KAZN: variants seen among roughly 807,000 people sequenced by gnomAD.
KAZN encodes the protein kazrin, periplakin interacting protein.
Under a neutral mutation model 87.4 loss-of-function variants are expected in KAZN, and 40 were observed. That is an observed-to-expected ratio of 0.46 (90% CI 0.36 to 0.60). The LOEUF is 0.60. Ranked by LOEUF, KAZN falls within the 20% of genes least tolerant of loss-of-function variation. The pLI, the probability that KAZN is intolerant of heterozygous loss-of-function variation, is 0.00. For missense variants in KAZN, 898 were observed against 1,073.9 expected (o/e 0.84, Z 2.29); for synonymous variants, 466 against 458.3 (o/e 1.02, Z -0.22).
At chr1:14,731,846 G>A (rs1167538527) in intron 1 of KAZN, among the ~76,000 whole-genome samples, 1 of 152,188 alleles carries the variant, frequency 6.6e-6, no homozygotes, top group Non-Finnish European at 1.5e-5. Context: ...GTAGAAGGAG[G>A]ATGACAACAG....
chr1:14,138,617 G>A (rs1303250550), intron 1 of KAZN, among the ~76,000 whole-genome samples: 1 of 152,144 alleles, frequency 6.6e-6, no homozygotes, highest in Non-Finnish European at 1.5e-5. Context: ...ATTCTGCTAG[G>A]AATGCAGAAG....
chr1:14,825,195 A>C (rs963278830), intron 1 of KAZN, among the ~76,000 whole-genome samples: 2 of 152,214 alleles, frequency 1.3e-5, no homozygotes, highest in African/African-American at 4.8e-5. Context: ...TGAGGCCGCG[A>C]AGGCACAGAG....
chr1:14,926,351 C>T (rs1477789267), intron 1 of KAZN, among the ~76,000 whole-genome samples: 1 of 152,154 alleles, frequency 6.6e-6, no homozygotes, highest in Non-Finnish European at 1.5e-5. Context: ...GTGTGTTCAT[C>T]ATAATATCCT....
intron 2 of KAZN, among the ~76,000 whole-genome samples, chr1:14,362,800 T>C (rs1186421055): frequency 3.9e-5 from 6 of 152,174 alleles, no homozygotes; most frequent in Non-Finnish European, 8.8e-5. Context: ...GGATTCAAAC[T>C]CAGACCTATT....
chr1:14,687,043 C>T (rs1177964716), intron 1 of KAZN, among the ~76,000 whole-genome samples: 1 of 152,188 alleles, frequency 6.6e-6, no homozygotes, highest in African/African-American at 2.4e-5. Context: ...TGTCAGGACA[C>T]TAATGTGGGG....
chr1:14,329,588 G>A (rs1030476288), intron 2 of KAZN, among the ~76,000 whole-genome samples: 4 of 152,156 alleles, frequency 2.6e-5, no homozygotes, highest in Non-Finnish European at 5.9e-5. Context: ...CAGTGGGTGG[G>A]CCAGGTCTGC....
chr1:14,724,399 C>T (rs947179670), intron 1 of KAZN, among the ~76,000 whole-genome samples: 2 of 152,196 alleles, frequency 1.3e-5, no homozygotes, highest in Non-Finnish European at 2.9e-5. Flanking sequence ...TTAGAGTCCC[C>T]TTGCACTGTG....
chr1:14,450,060 TC>T (rs1479036868), intron 2 of KAZN, among the ~76,000 whole-genome samples: 1 of 152,158 alleles, frequency 6.6e-6, no homozygotes, highest in African/African-American at 2.4e-5. Flanking sequence ...GCAAATGCTT[TC>T]ATGCAAATCT....
At chr1:14,573,020 A>AGAAAAAT (rs1163363989) in intron 2 of KAZN, among the ~76,000 whole-genome samples, 2 of 152,220 alleles carry the variant, frequency 1.3e-5, no homozygotes, top group African/African-American at 4.8e-5. Flanking sequence ...GTAACAGACC[A>AGAAAAAT]GAAAAATGTA....
chr1:14,486,187 GAAAT>G (rs770717517), intron 2 of KAZN, among the ~76,000 whole-genome samples: 7 of 152,090 alleles, frequency 4.6e-5, no homozygotes, highest in Non-Finnish European at 8.8e-5. Context: ...AATATTTCAG[GAAAT>G]ATATATCTAG....
intron 2 of KAZN, among the ~76,000 whole-genome samples, chr1:14,260,237 G>A (rs553047035): frequency 2.0e-5 from 3 of 152,160 alleles, no homozygotes; most frequent in Non-Finnish European, 2.9e-5. Flanking sequence ...CCCTGCCCTC[G>A]TGGAACTGAT....
At chr1:14,898,129 G>A (rs534189982) in intron 1 of KAZN, among the ~76,000 whole-genome samples, 47 of 152,286 alleles carry the variant, frequency 3.1e-4, no homozygotes, top group African/African-American at 1.1e-3. Flanking sequence ...TTATAAGCGA[G>A]AATCCATTAT....
At chr1:14,473,780 T>C (rs1266107701) in intron 2 of KAZN, among the ~76,000 whole-genome samples, 1 of 152,120 alleles carries the variant, frequency 6.6e-6, no homozygotes, top group Non-Finnish European at 1.5e-5. Context: ...TCGTTTCTAC[T>C]CCATTGAGAA....
chr1:14,231,909 G>C (rs1010263238), intron 2 of KAZN, among the ~76,000 whole-genome samples: 8 of 152,168 alleles, frequency 5.3e-5, no homozygotes, highest in Non-Finnish European at 1.0e-4. Flanking sequence ...TTCCCCTGGA[G>C]ATACTACAGT....
At chr1:15,019,184 A>G (rs1670420222) in intron 2 of KAZN, among the ~76,000 whole-genome samples, 1 of 152,048 alleles carries the variant, frequency 6.6e-6, no homozygotes, top group African/African-American at 2.4e-5. Flanking sequence ...GCAGGGTGGG[A>G]CCACCAGGCT....
chr1:14,489,227 T>C (rs1669513359), intron 2 of KAZN, among the ~76,000 whole-genome samples: 2 of 152,148 alleles, frequency 1.3e-5, no homozygotes, highest in Admixed American at 1.3e-4. Context: ...CTAACTGTAA[T>C]TTGACTAGAG....
chr1:13,991,022 A>G (rs1639257960), intron 1 of KAZN, among the ~76,000 whole-genome samples: 1 of 152,164 alleles, frequency 6.6e-6, no homozygotes, highest in Admixed American at 6.5e-5. Context: ...ACATGTAGAT[A>G]TGGGTTTTGA....
At chr1:15,080,912 ATGC>A (rs1235522479) in intron 8 of KAZN, among the ~76,000 whole-genome samples, 6 of 152,220 alleles carry the variant, frequency 3.9e-5, no homozygotes, top group Non-Finnish European at 8.8e-5. Context: ...GAGGCCAGGG[ATGC>A]TGCTACATGT....
At chr1:14,550,743 C>CT (rs1673463213) in intron 2 of KAZN, among the ~76,000 whole-genome samples, 1 of 74,572 alleles carries the variant, frequency 1.3e-5, no homozygotes, top group African/African-American at 4.4e-5. Context: ...CTCTCTCCCC[C>CT]ACCCCGCCAC....
Sources: allele counts gnomAD v4.1 joint callset (sites outside exome capture counted in the v4.1 genomes callset), GRCh38; gene constraint gnomAD v4.1.1; transcripts MANE v1.5; gene names NCBI Gene and HGNC (gene_info 2026-07-23, HGNC 2026-07-21).